The following ING5 variants were observed in gnomAD, a reference collection of about 807,000 sequenced individuals.
The protein encoded by ING5 is inhibitor of growth protein 5.
ING5 carries 17 observed loss-of-function variants against 37.4 expected under a neutral mutation model. The observed-to-expected ratio is 0.45, with a 90% confidence interval of 0.31 to 0.68. The LOEUF is 0.68. Among genes scored for constraint, ING5 ranks in the 30% least tolerant of loss-of-function variants. ING5 has a pLI of 0.05. For synonymous variants in ING5, 123 were observed against 116.6 expected (o/e 1.06, Z -0.36); for missense variants, 233 against 311.9 (o/e 0.75, Z 1.91).
chr2:241,717,473 G>A (rs1172162593), intron 5 of ING5, among the ~76,000 whole-genome samples: 3 of 151,944 alleles, frequency 2.0e-5, no homozygotes, highest in Non-Finnish European at 2.9e-5. Context: ...TTTCTGTCTT[G>A]TCATTTCTCC....
intron 2 of ING5, 178 bp from the exon 3 acceptor site, chr2:241,709,038 C>T: frequency 4.7e-6 from 3 of 634,784 alleles, no homozygotes; most frequent in Non-Finnish European, 8.4e-6. Flanking sequence ...TTCACACGAT[C>T]CCAGACTGTT....
chr2:241,699,794 G>A (rs2069685701), upstream of ING5, among the ~76,000 whole-genome samples: 1 of 152,022 alleles, frequency 6.6e-6, no homozygotes, highest in African/African-American at 2.4e-5. Context: ...GTGGAGACAG[G>A]ACTGGGAAGT....
chr2:241,711,281 G>A (rs551639876), intron 3 of ING5, 96 bp from the exon 4 acceptor site: 2 of 791,680 alleles, frequency 2.5e-6, no homozygotes, highest in East Asian at 2.9e-5. Context: ...CAATTAAAGG[G>A]CAAGAAGGTG....
chr2:241,713,000 C>CAAA lies in ING5; in HGVS notation c.482+939_482+941dup, dbSNP rs11377852. Among the ~76,000 whole-genome samples the CAAA allele has an allele frequency of 1.2e-4, 15 of 129,360 alleles. No individual in the cohort carries two copies. In the East Asian group the frequency reaches 2.5e-3, roughly 22 times the overall value. 84.9% of individuals were successfully genotyped at this position (129,360 alleles called of 152,430 possible). The stretch of plus-strand genomic sequence containing the variant: ...TGGGCCACAGCATGAGACTCTGTCT[C>CAAA]AAAAAAAAAAAATAAAGAGAAAAAA... On this transcript the variant is annotated intron_variant, in intron 5 of 7. Transcript: ENST00000313552.
At chr2:241,704,424 C>T (rs568311878) in intron 1 of ING5, among the ~76,000 whole-genome samples, 2 of 152,214 alleles carry the variant, frequency 1.3e-5, no homozygotes, top group South Asian at 2.1e-4. Context: ...AAAAACTAGC[C>T]GGGCATGGTG....
intron 1 of ING5, among the ~76,000 whole-genome samples, chr2:241,689,259 C>A (rs911287971): frequency 6.6e-6 from 1 of 151,974 alleles, no homozygotes; most frequent in Non-Finnish European, 1.5e-5. Context: ...ATTACAGGCA[C>A]CTGCCACCAC....
chr2:241,697,432 C>G (rs1363547522), upstream of ING5, among the ~76,000 whole-genome samples: 6 of 126,982 alleles, frequency 4.7e-5, no homozygotes, highest in African/African-American at 1.7e-4. Context: ...GAGACTCTGT[C>G]TCAAAAAAAA....
At chr2:241,713,329 A>G (rs1266695084) in intron 5 of ING5, among the ~76,000 whole-genome samples, 5 of 145,872 alleles carry the variant, frequency 3.4e-5, no homozygotes, top group Non-Finnish European at 1.5e-5. Context: ...AAGTGCTGGG[A>G]TTACAGGCAT....
intron 2 of ING5, among the ~76,000 whole-genome samples, chr2:241,705,294 G>C (rs1003971549): frequency 2.6e-4 from 40 of 151,744 alleles, no homozygotes; most frequent in Non-Finnish European, 1.2e-4. Flanking sequence ...TAGCCAGGAT[G>C]GTCTTGATCT....
intron 5 of ING5, among the ~76,000 whole-genome samples, chr2:241,714,247 A>G (rs1003689595): frequency 6.6e-6 from 1 of 152,184 alleles, no homozygotes; most frequent in Non-Finnish European, 1.5e-5. Flanking sequence ...TTTATAGTGC[A>G]TTCCTAGACA....
At chr2:241,718,562 C>T (rs545287796) in intron 5 of ING5, among the ~76,000 whole-genome samples, 6 of 151,754 alleles carry the variant, frequency 4.0e-5, no homozygotes, top group African/African-American at 9.7e-5. Context: ...ATTACAGGCA[C>T]GTGCCACCAT....
intron 2 of ING5, among the ~76,000 whole-genome samples, chr2:241,694,701 C>G (rs1038663903): frequency 4.0e-5 from 6 of 149,814 alleles, no homozygotes; most frequent in Non-Finnish European, 1.5e-5. Context: ...TTGGGCAATT[C>G]ATTTATAAGT....
chr2:241,687,601 C>T, exon 1 of ING5: 1 of 346,284 alleles, frequency 2.9e-6, no homozygotes. Flanking sequence ...GATCTCTGCT[C>T]ACTGCAACCT....
intron 1 of ING5, among the ~76,000 whole-genome samples, chr2:241,689,215 C>T (rs186146070): frequency 2.0e-5 from 3 of 152,156 alleles, no homozygotes; most frequent in Admixed American, 1.3e-4. Context: ...CGGGTTCAAC[C>T]TATTCTCCTG....
intron 7 of ING5, among the ~76,000 whole-genome samples, chr2:241,723,518 G>C (rs958983525): frequency 6.6e-6 from 1 of 152,236 alleles, no homozygotes; most frequent in African/African-American, 2.4e-5. Flanking sequence ...CCCAGGAATG[G>C]TGGTTACCAG....
At chr2:241,702,004 C>A, upstream of ING5, 1 of 1,250,524 alleles carries the variant, frequency 8.0e-7, no homozygotes, top group South Asian at 2.0e-5. Context: ...TGGCACCGCC[C>A]CGCCCCCGCC....
intron 1 of ING5, among the ~76,000 whole-genome samples, chr2:241,688,417 G>A (rs1041215362): frequency 1.3e-5 from 2 of 152,196 alleles, no homozygotes; most frequent in African/African-American, 4.8e-5. Context: ...ACCCACTTCA[G>A]TGCTTTGGGC....
intron 5 of ING5, among the ~76,000 whole-genome samples, chr2:241,714,388 T>C (rs904752804): frequency 6.6e-6 from 1 of 152,208 alleles, no homozygotes; most frequent in Non-Finnish European, 1.5e-5. Context: ...TTTAAAGTTA[T>C]GGAAGTATTC....
At chr2:241,722,912 G>A (rs1463859095) in intron 5 of ING5, 27 bp from the exon 6 acceptor site, 2 of 1,612,620 alleles carry the variant, frequency 1.2e-6, no homozygotes, top group East Asian at 4.5e-5. Context: ...ATGGCCTTCA[G>A]TGGTGCCTGT....
Sources: allele counts gnomAD v4.1 joint callset (sites outside exome capture counted in the v4.1 genomes callset), GRCh38; gene constraint gnomAD v4.1.1; transcripts MANE v1.5; gene names NCBI Gene and HGNC (gene_info 2026-07-23, HGNC 2026-07-21).